ROBO1: variants seen among roughly 807,000 people sequenced by gnomAD.
ROBO1 encodes the protein roundabout homolog 1.
In ROBO1, 149 loss-of-function variants were observed where a neutral mutation model predicts 195.9. The observed-to-expected ratio is 0.76, with a 90% CI of 0.67 to 0.87. The LOEUF (loss-of-function observed/expected upper bound fraction) is 0.87. ROBO1 is among the 40% of genes least tolerant of loss of function. The pLI, the probability that ROBO1 is intolerant of heterozygous loss-of-function variation, is 0.00. For missense variants in ROBO1, 1,933 were observed against 2,068.3 expected (o/e 0.93, Z 1.27); for synonymous variants, 816 against 733.2 (o/e 1.11, Z -1.82).
intron 1 of ROBO1, among the ~76,000 whole-genome samples, chr3:79,688,693 G>A (rs1947208760): frequency 6.6e-6 from 1 of 151,660 alleles, no homozygotes; most frequent in Non-Finnish European, 1.5e-5. Context: ...AATTTTATTT[G>A]GATTAATTTA....
intron 2 of ROBO1, among the ~76,000 whole-genome samples, chr3:79,346,349 A>C (rs2035119970): frequency 6.6e-6 from 1 of 151,990 alleles, no homozygotes. Context: ...TGATACTTTC[A>C]ATTTGTAGAG....
chr3:79,298,899 C>T (rs1277047962), intron 2 of ROBO1, among the ~76,000 whole-genome samples: 1 of 152,052 alleles, frequency 6.6e-6, no homozygotes, highest in Non-Finnish European at 1.5e-5. Context: ...TAAATCCTGT[C>T]ACTGCCAAAA....
At chr3:78,780,175 C>G (rs1350529757) in intron 4 of ROBO1, among the ~76,000 whole-genome samples, 2 of 152,008 alleles carry the variant, frequency 1.3e-5, no homozygotes, top group African/African-American at 4.8e-5. Flanking sequence ...TTGATGGGTA[C>G]AGCACACCAC....
intron 2 of ROBO1, among the ~76,000 whole-genome samples, chr3:79,238,021 A>G (rs1309303664): frequency 6.6e-6 from 1 of 152,156 alleles, no homozygotes; most frequent in Non-Finnish European, 1.5e-5. Flanking sequence ...TCTTGGCACA[A>G]CAGGCTGTCT....
At chr3:78,894,045 G>A (rs2037082616) in intron 4 of ROBO1, among the ~76,000 whole-genome samples, 1 of 152,080 alleles carries the variant, frequency 6.6e-6, no homozygotes, top group African/African-American at 2.4e-5. Flanking sequence ...TCTTTTCAAC[G>A]CTTAGCCGAA....
At chr3:78,907,583 G>C (rs1024298044) in intron 4 of ROBO1, among the ~76,000 whole-genome samples, 1 of 151,910 alleles carries the variant, frequency 6.6e-6, no homozygotes, top group Non-Finnish European at 1.5e-5. Flanking sequence ...GGTAGTCCTA[G>C]TTACATTTGA....
At chr3:78,910,269 T>C (rs1334544646) in intron 4 of ROBO1, among the ~76,000 whole-genome samples, 1 of 151,894 alleles carries the variant, frequency 6.6e-6, no homozygotes, top group African/African-American at 2.4e-5. Context: ...TTCAAGCCAC[T>C]TTATAAATTC....
At chr3:78,766,006 C>G (rs1188337341) in intron 4 of ROBO1, among the ~76,000 whole-genome samples, 1 of 152,130 alleles carries the variant, frequency 6.6e-6, no homozygotes, top group Non-Finnish European at 1.5e-5. Context: ...ACATTCATAA[C>G]TCATTTCTGC....
At chr3:79,570,402 T>G (rs1943240998) in intron 2 of ROBO1, among the ~76,000 whole-genome samples, 1 of 152,142 alleles carries the variant, frequency 6.6e-6, no homozygotes, top group Non-Finnish European at 1.5e-5. Flanking sequence ...ACTGGATTAC[T>G]AGAAGCACTC....
At chr3:79,133,304 A>G (rs1226039762) in intron 2 of ROBO1, among the ~76,000 whole-genome samples, 1 of 106,518 alleles carries the variant, frequency 9.4e-6, no homozygotes, top group African/African-American at 3.7e-5. Flanking sequence ...CATTCTCCAC[A>G]TCACTTTCAG....
At chr3:78,661,314 C>A in intron 15 of ROBO1, 53 bp from the exon 16 acceptor site, 1 of 1,112,900 alleles carries the variant, frequency 9.0e-7, no homozygotes, top group Non-Finnish European at 1.2e-6. Flanking sequence ...ATTGGTTCAT[C>A]AGAAAATAAT....
chr3:79,409,549 A>G (rs1034050733), intron 2 of ROBO1, among the ~76,000 whole-genome samples: 1 of 152,118 alleles, frequency 6.6e-6, no homozygotes, highest in Admixed American at 6.6e-5. Flanking sequence ...TTGGGAATCA[A>G]TTTATCTGTG....
At chr3:79,372,960 T>C (rs551790372) in intron 2 of ROBO1, among the ~76,000 whole-genome samples, 1 of 151,036 alleles carries the variant, frequency 6.6e-6, no homozygotes, top group Non-Finnish European at 1.5e-5. Context: ...GTTATATGGG[T>C]TTATCAGGTA....
At chr3:79,106,093 CA>C (rs2079774256) in intron 3 of ROBO1, among the ~76,000 whole-genome samples, 1 of 151,690 alleles carries the variant, frequency 6.6e-6, no homozygotes, top group Admixed American at 6.6e-5. Context: ...TGCTTAAAAT[CA>C]AAGCAACTTG....
chr3:79,690,194 C>G (rs78328299), intron 1 of ROBO1, among the ~76,000 whole-genome samples: 2 of 151,890 alleles, frequency 1.3e-5, no homozygotes, highest in Non-Finnish European at 2.9e-5. Flanking sequence ...AAATATACTA[C>G]CTCATATGGA....
intron 2 of ROBO1, among the ~76,000 whole-genome samples, chr3:79,470,915 A>G (rs571503090): frequency 6.6e-6 from 1 of 152,294 alleles, no homozygotes; most frequent in South Asian, 2.1e-4. Context: ...AAATATTTTT[A>G]AAAATTCTGA....
intron 4 of ROBO1, among the ~76,000 whole-genome samples, chr3:78,781,508 C>T (rs1199300250): frequency 6.6e-6 from 1 of 152,126 alleles, no homozygotes; most frequent in Non-Finnish European, 1.5e-5. Flanking sequence ...TCTCTGTGCT[C>T]AGGGGTTAAA....
At chr3:78,914,791 T>A (rs775240030) in intron 4 of ROBO1, among the ~76,000 whole-genome samples, 1 of 148,216 alleles carries the variant, frequency 6.7e-6, no homozygotes, top group Non-Finnish European at 1.5e-5. Flanking sequence ...ATGCTTTTAA[T>A]TTTACCCATT....
intron 2 of ROBO1, among the ~76,000 whole-genome samples, chr3:79,422,080 A>G (rs1453096024): frequency 6.7e-6 from 1 of 148,268 alleles, no homozygotes; most frequent in Non-Finnish European, 1.5e-5. Flanking sequence ...TATATATTTT[A>G]ATGTATTATA....
Sources: gnomAD v4.1 joint callset for allele counts (sites outside exome capture counted in the v4.1 genomes callset) on GRCh38, gnomAD v4.1.1 for gene constraint, MANE v1.5 for transcripts, NCBI Gene and HGNC (gene_info 2026-07-23, HGNC 2026-07-21) for gene names.